Variants in WDR41 observed in about 807,000 individuals in gnomAD.
WDR41 encodes WD repeat domain 41, also known as WD repeat-containing protein 41.
WDR41 carries 63 observed loss-of-function variants against 69.3 expected under a neutral mutation model. The ratio of observed to expected loss-of-function variants is 0.91; its 90% CI spans 0.74 to 1.12. The LOEUF (loss-of-function observed/expected upper bound fraction) is 1.12, where lower values mean the gene tolerates loss of function less well. WDR41 is among the 50% of genes most tolerant of loss of function. The pLI is 0.00. For missense variants in WDR41, 543 were observed against 534.5 expected (o/e 1.02, Z -0.16); for synonymous variants, 185 against 192.1 (o/e 0.96, Z 0.31).
At chr5:77,529,979 A>G (rs1802503452) in intron 1 of WDR41, among the ~76,000 whole-genome samples, 2 of 151,662 alleles carry the variant, frequency 1.3e-5, no homozygotes, top group Admixed American at 6.6e-5. Context: ...TGACTGATAC[A>G]TCTTACATAT....
In WDR41 at chr5:77,518,914, G is replaced by A. The variant is rs922048736; in HGVS notation, c.43-29342C>T. On this transcript the variant is annotated intron_variant, in intron 1 of 5. Coordinates refer to the WDR41 transcript ENST00000509971. The stretch of plus-strand genomic sequence containing the variant: ...TGCAATTGTTACTAATTTTCTTTGC[G>A]ACCTCCAATAAATTGTTAATTTTCT... Among the ~76,000 whole-genome samples, 17 of 151,842 alleles carry A rather than the reference G, an allele frequency of 1.1e-4. 1 individual carries two copies. Among genetic ancestry groups the A allele is most frequent in the Admixed American group, 2.0e-4 (3 of 15,260 alleles).
chr5:77,521,579 C>T (rs1469989751), intron 1 of WDR41, among the ~76,000 whole-genome samples: 1 of 152,166 alleles, frequency 6.6e-6, no homozygotes, highest in Non-Finnish European at 1.5e-5. Context: ...ATCCCTTATC[C>T]ATAATTCCAA....
intron 1 of WDR41, among the ~76,000 whole-genome samples, chr5:77,536,379 T>G (rs1742981891): frequency 6.6e-6 from 1 of 151,224 alleles, no homozygotes; most frequent in African/African-American, 2.4e-5. Flanking sequence ...AAACAAGGAC[T>G]CTCAGAGATT....
chr5:77,434,314 GAAAA>G (rs35089946), intron 12 of WDR41, among the ~76,000 whole-genome samples: 3 of 151,622 alleles, frequency 2.0e-5, no homozygotes, highest in Admixed American at 6.6e-5. Context: ...TCCCTCTCGG[GAAAA>G]AAAACAAGAG....
chr5:77,610,310 C>G (rs1480307584), intron 1 of WDR41, among the ~76,000 whole-genome samples: 3 of 152,128 alleles, frequency 2.0e-5, no homozygotes, highest in Non-Finnish European at 4.4e-5. Flanking sequence ...GAGAACACCA[C>G]AAAGATATTC....
intron 1 of WDR41, among the ~76,000 whole-genome samples, chr5:77,524,335 CCCAGCACTT>C (rs1802415329): frequency 3.3e-5 from 5 of 152,182 alleles, no homozygotes; most frequent in African/African-American, 7.2e-5. Flanking sequence ...CACCTGTAAT[CCCAGCACTT>C]TGGGAGGCTG....
intron 1 of WDR41, among the ~76,000 whole-genome samples, chr5:77,564,407 T>A (rs1379127284): frequency 1.3e-5 from 2 of 152,102 alleles, no homozygotes; most frequent in African/African-American, 4.8e-5. Flanking sequence ...CTAAACGAAT[T>A]GCATTTTTTC....
At chr5:77,604,804 A>T (rs1054203677) in intron 1 of WDR41, among the ~76,000 whole-genome samples, 8 of 152,020 alleles carry the variant, frequency 5.3e-5, no homozygotes, top group Non-Finnish European at 7.4e-5. Flanking sequence ...ACATAACTTT[A>T]AAAAAAATGA....
intron 2 of WDR41, among the ~76,000 whole-genome samples, chr5:77,470,448 T>A (rs1353716987): frequency 6.6e-6 from 1 of 152,076 alleles, no homozygotes; most frequent in Non-Finnish European, 1.5e-5. Context: ...TAAATGTAAA[T>A]GGGCTAAATG....
intron 2 of WDR41, among the ~76,000 whole-genome samples, chr5:77,487,316 A>G (rs970968401): frequency 3.3e-5 from 5 of 152,226 alleles, no homozygotes; most frequent in African/African-American, 1.2e-4. Context: ...TAGCGCAAGA[A>G]AACTTTAGCT....
At chr5:77,606,629 C>T (rs943662909) in intron 1 of WDR41, among the ~76,000 whole-genome samples, 5 of 151,854 alleles carry the variant, frequency 3.3e-5, no homozygotes, top group East Asian at 1.9e-4. Flanking sequence ...ACAGTAAGAC[C>T]CTGTCTCTAC....
At position 77,463,082 on chromosome 5, in the gene WDR41, G is replaced by A. The variant is rs767563558; in HGVS notation, c.348+13C>T. Reference sequence around the variant, plus strand: ...CACTACAGCTTGTTCATTTCTTCCAGATTAAAGGATACAATAACTGTTCTA... The same window carrying A: ...CACTACAGCTTGTTCATTTCTTCCAAATTAAAGGATACAATAACTGTTCTA... On this transcript the variant is annotated intron_variant, in intron 4 of 12. Coordinates refer to ENST00000296679, the MANE Select transcript of WDR41 (RefSeq NM_018268.4). The A allele has an allele frequency of 5.6e-6, 9 of 1,610,148 alleles. No individual in the cohort carries two copies. The South Asian group carries it at 9.9e-5, about 18-fold the overall frequency.
rs530839783 is a variant in WDR41, at chr5:77,595,603, C to T, written c.42+24876G>A. Among the ~76,000 whole-genome samples, 53 of 151,806 alleles carry T rather than the reference C, an allele frequency of 3.5e-4. 1 individual carries two copies. Among genetic ancestry groups the T allele is most frequent in the Admixed American group, 2.6e-3 (40 of 15,216 alleles). ...ATTTCCACTATTGTAAGTGGTTATA[C>T]TTCATTGCAAGATAGGTAAGCCCAA... On this transcript the variant is annotated intron_variant, in intron 1 of 5. Coordinates refer to the WDR41 transcript ENST00000509971.
intron 1 of WDR41, among the ~76,000 whole-genome samples, chr5:77,614,629 C>T (rs1744639051): frequency 7.9e-6 from 1 of 127,374 alleles, no homozygotes; most frequent in African/African-American, 3.0e-5. Flanking sequence ...GGGAACATCA[C>T]ACTCTGGGGA....
At chr5:77,531,535 C>T (rs1802528860) in intron 1 of WDR41, among the ~76,000 whole-genome samples, 1 of 151,834 alleles carries the variant, frequency 6.6e-6, no homozygotes, top group African/African-American at 2.4e-5. Context: ...AATAGGAACC[C>T]TTGTACATTG....
chr5:77,481,225 G>A (rs991279411), intron 2 of WDR41, among the ~76,000 whole-genome samples: 15 of 151,948 alleles, frequency 9.9e-5, no homozygotes, highest in Non-Finnish European at 2.1e-4. Context: ...GGGCAGGCTG[G>A]TCTCAAACTC....
At chr5:77,595,642 C>A (rs992917119) in intron 1 of WDR41, among the ~76,000 whole-genome samples, 2 of 152,210 alleles carry the variant, frequency 1.3e-5, no homozygotes, top group African/African-American at 2.4e-5. Flanking sequence ...TGCAGGGTCA[C>A]AATTCGACAT....
chr5:77,432,165 A>C lies in WDR41; in HGVS notation c.*970T>G, dbSNP rs1026482486. The C allele has an allele frequency of 6.6e-6, 1 of 152,206 alleles. No homozygotes were observed. Among genetic ancestry groups the C allele is most frequent in the Non-Finnish European group, 1.5e-5 (1 of 68,032 alleles). 9.4% of individuals were successfully genotyped at this position (152,206 alleles called of 1,614,324 possible). A position where few individuals can be genotyped will look rare whatever the true frequency, so the allele number is the denominator to read the frequency against. ...AATAAATCTGTAGGTTTTCTGTAAG[A>C]AGGGTCAGTCTGCTAACATCTGTCA... On this transcript the variant is annotated 3_prime_UTR_variant, in exon 13 of 13. Coordinates refer to ENST00000296679, the MANE Select transcript of WDR41 (RefSeq NM_018268.4).
At chr5:77,527,218 A>T (rs10053683) in intron 1 of WDR41, among the ~76,000 whole-genome samples, 19,125 of 151,474 alleles carry the variant, frequency 0.13, 1,437 homozygotes, top group South Asian at 0.25. Context: ...CCAGATTTTT[A>T]AAAAAAATCT....
Sources: allele counts gnomAD v4.1 joint callset (sites outside exome capture counted in the v4.1 genomes callset), GRCh38; gene constraint gnomAD v4.1.1; transcripts MANE v1.5; gene names NCBI Gene and HGNC (gene_info 2026-07-23, HGNC 2026-07-21).